Variants in SMYD5 observed in about 807,000 individuals in gnomAD.
The protein encoded by SMYD5 is protein-lysine N-trimethyltransferase SMYD5.
A neutral mutation model predicts 57.4 loss-of-function variants in SMYD5; 35 were observed. The observed-to-expected ratio is 0.61, with a 90% CI of 0.47 to 0.81. The LOEUF (loss-of-function observed/expected upper bound fraction) is 0.81, where lower values mean the gene tolerates loss of function less well. Among genes scored for constraint, SMYD5 ranks in the 30% least tolerant of loss-of-function variants. The pLI, the probability that SMYD5 is intolerant of heterozygous loss-of-function variation, is 0.00. For synonymous variants in SMYD5, 198 were observed against 189.7 expected (o/e 1.04, Z -0.36); for missense variants, 471 against 527.9 (o/e 0.89, Z 1.06).
At chr2:73,217,478 G>A (rs534692912) in intron 1 of SMYD5, among the ~76,000 whole-genome samples, 20 of 152,302 alleles carry the variant, frequency 1.3e-4, no homozygotes, top group African/African-American at 4.1e-4. Flanking sequence ...GTGTCCCATA[G>A]AGGAAGGCCA....
chr2:73,219,961 T>C (rs764518372), intron 2 of SMYD5, 90 bp from the exon 3 acceptor site: 3 of 1,503,248 alleles, frequency 2.0e-6, no homozygotes, highest in South Asian at 2.3e-5. Flanking sequence ...GAATGGTGCC[T>C]GGCACATAGC....
rs760507813 is a variant in SMYD5, at chr2:73,221,815, G to T, written c.538-11G>T. On this transcript the variant is annotated splice_polypyrimidine_tract_variant and intron_variant, in intron 5 of 12. Coordinates refer to ENST00000389501, the MANE Select transcript of SMYD5 (RefSeq NM_006062.3). ...GTATCTGTGACCCTTAAGTATGTTT[G>T]TTCACTGCAGGCGAAGGACAAGGAC... is the stretch of plus-strand genomic sequence containing the variant. 1 of 1,600,896 alleles carries T rather than the reference G, an allele frequency of 6.2e-7. No homozygotes were observed. Among genetic ancestry groups the T allele is most frequent in the Non-Finnish European group, 8.6e-7 (1 of 1,168,102 alleles).
In SMYD5 at chr2:73,226,110, C is replaced by A. The variant is rs1558553990; in HGVS notation, c.*164C>A. 2.1e-6 allele frequency: 2 copies of A among 958,730 alleles called. No homozygotes were observed. The highest frequency in any genetic ancestry group is 2.9e-5 in the Admixed American group (1 of 34,370). 59.4% of individuals were successfully genotyped at this position (958,730 alleles called of 1,614,324 possible). ...AGAGAGCCTGGATCTCTGGCCCCAA[C>A]CCCCACCAGACCTCATGCCCTGGAC... On this transcript the variant is annotated 3_prime_UTR_variant, in exon 13 of 13. Coordinates refer to ENST00000389501, the MANE Select transcript of SMYD5 (RefSeq NM_006062.3).
chr2:73,221,174 C>T lies in SMYD5; in HGVS notation c.477C>T (p.His159=), dbSNP rs138377023. 1.5e-5 allele frequency: 24 copies of T among 1,613,940 alleles called. No individual in the cohort carries two copies. The East Asian group carries it at 5.3e-4, about 36-fold the overall frequency. Residue 159 remains histidine, a synonymous_variant, in exon 5 of 13, where the codon CAC becomes CAT. Coordinates refer to ENST00000389501, the MANE Select transcript of SMYD5 (RefSeq NM_006062.3). ...TTTTCTCTTTCCCCAGGAGTATTCA[C>T]TACCCACCTGAGACTGCAAGCATCA... ...NKLQEAWRSI[H]YPPETASIML...
In SMYD5 at chr2:73,220,747, C is replaced by A. The variant is rs748979436; in HGVS notation, c.432C>A (p.Pro144=). ...GCCCAGGCCCCTCCCAGGATGACCCCTTGCATCCTCTCAATAAGCTTCAGG... is the reference window on the plus strand; with the variant it reads ...GCCCAGGCCCCTCCCAGGATGACCCATTGCATCCTCTCAATAAGCTTCAGG... ...VLCPGPSQDD[P]LHPLNKLQEA... is the part of the protein sequence containing the mutation. Residue 144 remains proline, a synonymous_variant, in exon 4 of 13, where the codon CCC becomes CCA. Coordinates refer to ENST00000389501, the MANE Select transcript of SMYD5 (RefSeq NM_006062.3). The A allele has an allele frequency of 6.2e-7, 1 of 1,613,922 alleles. No homozygotes were observed. Among genetic ancestry groups the A allele is most frequent in the Non-Finnish European group, 8.5e-7 (1 of 1,179,980 alleles).
intron 3 of SMYD5, 103 bp from the exon 4 acceptor site, chr2:73,220,558 A>G (rs1459752378): frequency 1.1e-5 from 15 of 1,353,184 alleles, no homozygotes; most frequent in Non-Finnish European, 1.6e-5. Context: ...TTCTCATGAT[A>G]CATCTGAGCT....
Position 73,223,037 on chromosome 2 carries a change from G to T in SMYD5, c.707G>T (p.Trp236Leu). 1 of 1,613,866 alleles carries T rather than the reference G, an allele frequency of 6.2e-7. No homozygotes were observed. Among genetic ancestry groups the T allele is most frequent in the Non-Finnish European group, 8.5e-7 (1 of 1,179,736 alleles). The change falls in exon 8 of 13, where the codon TGG (tryptophan) becomes TTG (leucine). Residue 236 changes from tryptophan to leucine, a missense_variant and splice_region_variant. Transcript: ENST00000389501. ...EALYEEAVSQ[W>L]FTPDGFRSLF... is the part of the protein sequence containing the mutation. Reference sequence around the variant, plus strand: ...CTCATCTCTTTTTTCCCCCCACAGTGGTTCACTCCAGATGGATTCCGGTCT... The same window carrying T: ...CTCATCTCTTTTTTCCCCCCACAGTTGTTCACTCCAGATGGATTCCGGTCT...
chr2:73,219,900 C>A, intron 2 of SMYD5, 151 bp from the exon 3 acceptor site: 1 of 898,594 alleles, frequency 1.1e-6, no homozygotes, highest in Non-Finnish European at 1.9e-6. Context: ...TCCATTCATC[C>A]ATGCATGTAA....
At position 73,224,878 on chromosome 2, in the gene SMYD5, G is replaced by T; in HGVS notation, c.953G>T (p.Cys318Phe). The change falls in exon 11 of 13, where the codon TGT becomes TTT. Residue 318 changes from cysteine to phenylalanine, a missense_variant. Transcript: ENST00000389501. Reference sequence around the variant, plus strand: ...TCTTATGATCCAGGCAACCACAGTTGTGTGCCCAATGCAGAGACCTCCTTT... The same window carrying T: ...TCTTATGATCCAGGCAACCACAGTTTTGTGCCCAATGCAGAGACCTCCTTT... ...FVLQSCCNHS[C>F]VPNAETSFPE... 1 of 1,613,582 alleles carries T rather than the reference G, an allele frequency of 6.2e-7. No homozygotes were observed. The highest frequency in any genetic ancestry group is 8.5e-7 in the Non-Finnish European group (1 of 1,179,586).
rs367585065 is a variant in SMYD5, at chr2:73,220,040, C to T, written c.206-11C>T. 6.2e-7 allele frequency: 1 copy of T among 1,614,144 alleles called. No homozygotes were observed. The highest frequency in any genetic ancestry group is 8.5e-7 in the Non-Finnish European group (1 of 1,179,988). On this transcript the variant is annotated splice_polypyrimidine_tract_variant and intron_variant, in intron 2 of 12. Coordinates refer to ENST00000389501, the MANE Select transcript of SMYD5 (RefSeq NM_006062.3). ...TCTCAAGATATTGTTGTGTCTGGCT[C>T]TCACCGTCAGCCTGTGACCACTGCC... is the stretch of plus-strand genomic sequence containing the variant.
chr2:73,214,662 C>G lies in SMYD5; in HGVS notation c.96+300C>G, dbSNP rs373447658. On this transcript the variant is annotated intron_variant, in intron 1 of 12. Transcript: ENST00000389501. Reference sequence around the variant, plus strand: ...GGGCTAGGGGGCTTTGCTGCTGTATCCCTGGAACGGTGGGCGGGGATGTGC... The same window carrying G: ...GGGCTAGGGGGCTTTGCTGCTGTATGCCTGGAACGGTGGGCGGGGATGTGC... 4 of 1,464,958 alleles carry G rather than the reference C, an allele frequency of 2.7e-6. No homozygotes were observed. The African/African-American group carries it at 4.2e-5, about 15-fold the overall frequency. The allele number at this position is 1,464,958 out of a possible 1,614,324, so 90.7% of individuals were successfully genotyped here.
In SMYD5 at chr2:73,221,927, C is replaced by A. The variant is rs1427811324; in HGVS notation, c.639C>A (p.Phe213Leu). 1.9e-6 allele frequency: 3 copies of A among 1,594,476 alleles called. No homozygotes were observed. The South Asian group carries it at 3.3e-5, about 18-fold the overall frequency. ...EIVHKLLGDKFKGQLELLRRL... is the reference protein window; with the variant it reads ...EIVHKLLGDKLKGQLELLRRL... ...TCCATAAACTTCTGGGAGACAAATT[C>A]AAGGTTATTATTCTCCCGTGGCCTG... Residue 213 changes from phenylalanine (F) to leucine (L), a missense_variant, in exon 6 of 13, where the codon TTC (phenylalanine) becomes TTA (leucine). Coordinates refer to ENST00000389501, the MANE Select transcript of SMYD5 (RefSeq NM_006062.3).
intron 1 of SMYD5, among the ~76,000 whole-genome samples, chr2:73,216,873 C>T (rs1250539675): frequency 6.6e-6 from 1 of 152,012 alleles, no homozygotes; most frequent in East Asian, 1.9e-4. Context: ...CCGGCCTGCA[C>T]GATTTTTTCT....
chr2:73,225,806 CTATT>C lies in SMYD5; in HGVS notation c.1119_1122del (p.Phe374SerfsTer16), dbSNP rs773647169. 44 of 1,614,056 alleles carry C rather than the reference CTATT, an allele frequency of 2.7e-5. No individual in the cohort carries two copies. Among genetic ancestry groups the C allele is most frequent in the Non-Finnish European group, 1.4e-5 (16 of 1,180,016 alleles). The stretch of plus-strand genomic sequence containing the variant: ...CCCCCACCGCTGCAGGGAGAACTAT[CTATT>C]TGTCTGTTCCTGTCCCAAATGCCTG... On this transcript the variant is annotated frameshift_variant, in exon 13 of 13. Coordinates refer to ENST00000389501, the MANE Select transcript of SMYD5 (RefSeq NM_006062.3). LOFTEE classifies it high-confidence loss of function.
intron 10 of SMYD5, 117 bp downstream of exon 10, chr2:73,224,120 G>C: frequency 1.1e-6 from 1 of 912,994 alleles, no homozygotes; most frequent in Non-Finnish European, 1.8e-6. Flanking sequence ...GGTTGAGTCT[G>C]GGAGCCCCAT....
intron 11 of SMYD5, 77 bp from the exon 12 acceptor site, chr2:73,225,554 A>T: frequency 7.5e-7 from 1 of 1,332,500 alleles, no homozygotes; most frequent in East Asian, 2.3e-5. Context: ...GTGGTTGGAG[A>T]TAGGGTAGCT....
At chr2:73,221,371 G>T in intron 5 of SMYD5, 137 bp downstream of exon 5, 3 of 644,044 alleles carry the variant, frequency 4.7e-6, no homozygotes, top group Non-Finnish European at 5.4e-6. Context: ...TCCTTGCTAT[G>T]TAAAACCTTC....
intron 2 of SMYD5, 68 bp downstream of exon 2, chr2:73,219,037 C>A: frequency 8.8e-7 from 1 of 1,141,858 alleles, no homozygotes; most frequent in Non-Finnish European, 1.3e-6. Context: ...TGCATACATC[C>A]CTACTGGCTG....
intron 1 of SMYD5, chr2:73,214,652 G>A (rs1686258677): frequency 6.7e-7 from 1 of 1,484,106 alleles, no homozygotes; most frequent in Non-Finnish European, 9.0e-7. Context: ...AGGGGGCTTT[G>A]CTGCTGTATC....
Sources: gnomAD v4.1 joint callset for allele counts (sites outside exome capture counted in the v4.1 genomes callset) on GRCh38, gnomAD v4.1.1 for gene constraint, MANE v1.5 for transcripts, NCBI Gene and HGNC (gene_info 2026-07-23, HGNC 2026-07-21) for gene names.